The following TCF3 variants were observed in gnomAD, a reference collection of about 807,000 sequenced individuals.
TCF3 encodes the protein transcription factor 3, also known as transcription factor E2-alpha.
TCF3 carries 54 observed loss-of-function variants against 72.3 expected under a neutral mutation model. The ratio of observed to expected loss-of-function variants is 0.75; its 90% CI spans 0.60 to 0.94. The LOEUF (loss-of-function observed/expected upper bound fraction) is 0.94. Ranked by LOEUF, TCF3 falls within the 40% of genes least tolerant of loss-of-function variation. The pLI, the probability that TCF3 is intolerant of heterozygous loss-of-function variation, is 0.00. For synonymous variants in TCF3, 525 were observed against 412.6 expected (o/e 1.27, Z -3.30); for missense variants, 1,078 against 934.4 (o/e 1.15, Z -2.00).
chr19:1,637,907 T>C (rs1183533015), intron 3 of TCF3, among the ~76,000 whole-genome samples: 1 of 148,022 alleles, frequency 6.8e-6, no homozygotes, highest in Non-Finnish European at 1.5e-5. Flanking sequence ...AGACTCCACC[T>C]CAAAAAAAAA....
rs780703673 is a variant in TCF3, at chr19:1,619,439, G to A, written c.1203C>T (p.Ile401=). The part of the protein sequence containing the change: ...SKIEDHLDEA[I]HVLRSHAVGT... ...CCACGGCGTGGCTGCGGAGCACGTG[G>A]ATGGCCTCGTCCAGGTGGTCTTCTA... is the stretch of plus-strand genomic sequence containing the variant. Residue 401 remains isoleucine, a synonymous_variant, in exon 15 of 19, where the codon ATC becomes ATT. Transcript: ENST00000262965. 1 of 1,590,260 alleles carries A rather than the reference G, an allele frequency of 6.3e-7. No homozygotes were observed.
At chr19:1,645,313 C>T (rs1474058124) in intron 3 of TCF3, among the ~76,000 whole-genome samples, 1 of 152,118 alleles carries the variant, frequency 6.6e-6, no homozygotes, top group Admixed American at 6.5e-5. Context: ...CACAAAGAGA[C>T]CCGTGGCTCT....
At position 1,639,240 on chromosome 19, in the gene TCF3, C is replaced by T. The variant is rs1038036945; in HGVS notation, c.146-6835G>A. Among the ~76,000 whole-genome samples, 9 of 152,194 alleles carry T rather than the reference C, an allele frequency of 5.9e-5. No homozygotes were observed. In the East Asian group the frequency reaches 9.6e-4, roughly 16 times the overall value. On this transcript the variant is annotated intron_variant, in intron 3 of 18. Transcript: ENST00000262965. ...TTATATTTTAGTAGAGATGGAGTTT[C>T]GCCCTGTGGGCCAGGCTGGTCTTGA... is the stretch of plus-strand genomic sequence containing the variant.
At chr19:1,649,059 C>T (rs988047500) in intron 2 of TCF3, among the ~76,000 whole-genome samples, 1 of 152,070 alleles carries the variant, frequency 6.6e-6, no homozygotes, top group Non-Finnish European at 1.5e-5. Context: ...TCTGAGCCTC[C>T]GTTCACCCAG....
intron 3 of TCF3, among the ~76,000 whole-genome samples, chr19:1,637,767 G>C (rs1331058010): frequency 1.3e-5 from 2 of 152,196 alleles, no homozygotes; most frequent in African/African-American, 4.8e-5. Context: ...AAATTAGCTG[G>C]GCGTGGTGGT....
intron 7 of TCF3, 44 bp downstream of exon 7, chr19:1,625,532 C>T (rs538702092): frequency 5.3e-6 from 8 of 1,516,666 alleles, no homozygotes; most frequent in East Asian, 5.2e-5. Flanking sequence ...CCTTTGCAGG[C>T]TCCCTCCCAG....
chr19:1,609,852 A>G lies in TCF3; in HGVS notation c.*1855T>C, dbSNP rs2060866636. The stretch of plus-strand genomic sequence containing the variant: ...GGCAGTCCAGGATCTCCTGGGGGTA[A>G]CGGTGGGAGTCTCAGGAGTGGCACG... On this transcript the variant is annotated 3_prime_UTR_variant, in exon 19 of 19. Transcript: ENST00000262965. 8.6e-6 allele frequency: 2 copies of G among 232,112 alleles called. No individual in the cohort carries two copies. Among genetic ancestry groups the G allele is most frequent in the East Asian group, 1.2e-4 (2 of 16,434 alleles). 14.4% of individuals were successfully genotyped at this position (232,112 alleles called of 1,614,324 possible).
intron 6 of TCF3, among the ~76,000 whole-genome samples, chr19:1,626,612 G>C (rs1295670573): frequency 6.6e-6 from 1 of 152,186 alleles, no homozygotes; most frequent in South Asian, 2.1e-4. Context: ...CCAGAGAGCA[G>C]GGCCCGAGCC....
At chr19:1,620,341 C>T (rs568508006) in intron 13 of TCF3, among the ~76,000 whole-genome samples, 3 of 152,264 alleles carry the variant, frequency 2.0e-5, no homozygotes, top group African/African-American at 7.2e-5. Context: ...CTCACTCCCC[C>T]TCCTCCTGTA....
In TCF3 at chr19:1,625,600, G is replaced by A. The variant is rs1281758564; in HGVS notation, c.475C>T (p.Arg159Trp). 16 of 1,584,034 alleles carry A rather than the reference G, an allele frequency of 1.0e-5. No individual in the cohort carries two copies. The highest frequency in any genetic ancestry group is 3.4e-5 in the South Asian group (3 of 88,336). Residue 159 changes from arginine (R) to tryptophan (W), a missense_variant, in exon 7 of 19, where the codon CGG becomes TGG. Transcript: ENST00000262965. ...YYPSYSGSSR[R>W]RAADGSLDTQ... is the part of the protein sequence containing the mutation. The stretch of plus-strand genomic sequence containing the variant: ...CCTAGGCTGCCGTCTGCCGCTCTCC[G>A]CCGGGAGCTGCCGGAGTAGGAGGGG...
In TCF3 at chr19:1,615,252, G is replaced by A. The variant is rs755367334; in HGVS notation, c.1822+33C>T. 6.5e-7 allele frequency: 1 copy of A among 1,547,528 alleles called. No homozygotes were observed. The highest frequency in any genetic ancestry group is 1.2e-5 in the South Asian group (1 of 81,300). ...CAGGAACACGAGGGAGGGTGGCGCT[G>A]CAGGGACGCTGGTGGCCCGCGCCCC... On this transcript the variant is annotated intron_variant, in intron 18 of 18. Transcript: ENST00000262965. The surrounding 1 kb of genome is among the most constrained non-coding windows in gnomAD (Gnocchi z 7.3).
At chr19:1,623,374 AC>A (rs71335378) in intron 8 of TCF3, among the ~76,000 whole-genome samples, 5 of 121,602 alleles carry the variant, frequency 4.1e-5, no homozygotes, top group Non-Finnish European at 5.2e-5. Flanking sequence ...CAATTGCGGC[AC>A]CCCCCGCTTT....
rs575071276 is a variant in TCF3, at chr19:1,629,282, G to A, written c.299-1856C>T. ...AGGGGACAGGCCTGGGGGCCCTGGC[G>A]GGGAGCCCCGGGGCCTGTGCACACC... is the stretch of plus-strand genomic sequence containing the variant. On this transcript the variant is annotated intron_variant, in intron 5 of 18. Transcript: ENST00000262965. Among the ~76,000 whole-genome samples, 21 of 152,016 alleles carry A rather than the reference G, an allele frequency of 1.4e-4. No homozygotes were observed. In the East Asian group the frequency reaches 1.7e-3, roughly 13 times the overall value.
intron 3 of TCF3, among the ~76,000 whole-genome samples, chr19:1,646,011 GGATT>G (rs1467353498): frequency 1.3e-5 from 2 of 152,094 alleles, no homozygotes; most frequent in East Asian, 3.8e-4. Flanking sequence ...TCCCCCTTAT[GGATT>G]GACTGGAGAA....
intron 3 of TCF3, among the ~76,000 whole-genome samples, chr19:1,636,130 G>A (rs2064368064): frequency 6.6e-6 from 1 of 152,172 alleles, no homozygotes; most frequent in African/African-American, 2.4e-5. Flanking sequence ...TCCGGGGGTG[G>A]CCTTTCCTTG....
At chr19:1,649,950 G>C (rs1487345153) in intron 2 of TCF3, among the ~76,000 whole-genome samples, 3 of 152,244 alleles carry the variant, frequency 2.0e-5, no homozygotes, top group Non-Finnish European at 4.4e-5. Flanking sequence ...TAAAGCAGTA[G>C]GCTGTAGAAT....
rs2060866881 is a variant in TCF3 at position 1,609,854 on chromosome 19, G to A, written c.*1853C>T. On this transcript the variant is annotated 3_prime_UTR_variant, in exon 19 of 19. Coordinates refer to ENST00000262965, the MANE Select transcript of TCF3 (RefSeq NM_003200.5). The stretch of plus-strand genomic sequence containing the variant: ...CAGTCCAGGATCTCCTGGGGGTAAC[G>A]GTGGGAGTCTCAGGAGTGGCACGGG... 5 of 232,124 alleles carry A rather than the reference G, an allele frequency of 2.2e-5. No individual in the cohort carries two copies. The East Asian group carries it at 2.4e-4, about 11-fold the overall frequency. 14.4% of individuals were successfully genotyped at this position (232,124 alleles called of 1,614,324 possible). A position where few individuals can be genotyped will look rare whatever the true frequency, so the allele number is the denominator to read the frequency against.
At chr19:1,617,371 A>G (rs1230099339) in intron 16 of TCF3, among the ~76,000 whole-genome samples, 1 of 152,218 alleles carries the variant, frequency 6.6e-6, no homozygotes, top group African/African-American at 2.4e-5. Flanking sequence ...CCAGCAAACC[A>G]GCGTGTAAAG....
intron 2 of TCF3, 36 bp from the exon 3 acceptor site, chr19:1,646,463 G>A (rs1312466205): frequency 1.3e-6 from 2 of 1,536,122 alleles, no homozygotes; most frequent in Non-Finnish European, 1.8e-6. Flanking sequence ...AGCGGGGCGG[G>A]TGGCAAACCA....
Sources: gnomAD v4.1 joint callset for allele counts (sites outside exome capture counted in the v4.1 genomes callset) on GRCh38, gnomAD v4.1.1 for gene constraint, Gnocchi (gnomAD v3.1) non-coding constraint, MANE v1.5 for transcripts, NCBI Gene and HGNC (gene_info 2026-07-23, HGNC 2026-07-21) for gene names.